The following PNPLA6 variants were observed in gnomAD, a reference collection of about 807,000 sequenced individuals.
PNPLA6 encodes patatin like domain 6, lysophospholipase.
A neutral mutation model predicts 153.7 loss-of-function variants in PNPLA6; 105 were observed. The observed-to-expected ratio is 0.68, with a 90% CI of 0.58 to 0.80. The LOEUF is 0.80. PNPLA6 is among the 30% of genes least tolerant of loss of function. The pLI is 0.00. For missense variants in PNPLA6, 1,423 were observed against 1,919.3 expected (o/e 0.74, Z 4.83); for synonymous variants, 825 against 822.2 (o/e 1.00, Z -0.06).
chr19:7,536,389 T>C (rs1174025134), intron 2 of PNPLA6, 60 bp from the exon 3 acceptor site: 3 of 1,422,974 alleles, frequency 2.1e-6, no homozygotes, highest in East Asian at 4.6e-5. Context: ...CCTGGATCCG[T>C]CTGCCTCTTC....
At position 7,561,295 on chromosome 19, in the gene PNPLA6, GC is replaced by G; in HGVS notation, c.4005del (p.Ser1336AlafsTer64). The G allele has an allele frequency of 6.2e-7, 1 of 1,607,210 alleles. No individual in the cohort carries two copies. The highest frequency in any genetic ancestry group is 8.5e-7 in the Non-Finnish European group (1 of 1,177,726). ...GAAGGGGGGTCCCCCGAGGGCGCAA[GC>G]CCCAGCACTGCCTCCGAGATGGTGA... ...RDEGGSPEGA[S>X]PSTASEMEEE... On this transcript the variant is annotated frameshift_variant, in exon 31 of 32. Coordinates refer to ENST00000600737, the MANE Select transcript of PNPLA6 (RefSeq NM_001166114.2). LOFTEE classifies it high-confidence loss of function.
intron 27 of PNPLA6, 106 bp downstream of exon 27, chr19:7,557,390 A>G: frequency 1.3e-6 from 1 of 760,044 alleles, no homozygotes; most frequent in Non-Finnish European, 2.3e-6. Flanking sequence ...CACATGCCCA[A>G]GCTGCCCATG....
At chr19:7,536,138 C>T (rs915742638) in intron 1 of PNPLA6, 53 bp from the exon 2 acceptor site, 2 of 1,515,120 alleles carry the variant, frequency 1.3e-6, no homozygotes, top group African/African-American at 2.7e-5. Flanking sequence ...CCAGCTCTGG[C>T]AGGGTGGAGT....
rs2023236889 is a variant in PNPLA6 at position 7,543,228 on chromosome 19, C to G, written c.1608+144C>G. ...TCTCTCATCCTATCATTTCCAACCT[C>G]TAACCCTTGGGTCCTGTGACCCCCA... On this transcript the variant is annotated intron_variant, in intron 13 of 31. Transcript: ENST00000600737. 48 of 803,702 alleles carry G rather than the reference C, an allele frequency of 6.0e-5. 1 individual carries two copies. In the South Asian group the frequency reaches 6.7e-4, roughly 11 times the overall value. The allele number at this position is 803,702 out of a possible 1,614,324, so 49.8% of individuals were successfully genotyped here. A position where few individuals can be genotyped will look rare whatever the true frequency, so the allele number is the denominator to read the frequency against.
At chr19:7,554,824 G>C (rs1599303816) in intron 21 of PNPLA6, 69 bp from the exon 22 acceptor site, 2 of 1,571,134 alleles carry the variant, frequency 1.3e-6, no homozygotes, top group Non-Finnish European at 8.6e-7. Context: ...GGGGGTAGGC[G>C]ATCAGGGACC....
rs540608285 is a variant in PNPLA6, at chr19:7,558,753, C to T, written c.3398-97C>T. On this transcript the variant is annotated intron_variant, in intron 27 of 31. Transcript: ENST00000600737. ...GTGGGTATTCTCTCTTTTTTTTTTG[C>T]GTGATCATTTGCATGATGGCATCTG... The T allele has an allele frequency of 1.5e-3, 1,267 of 819,890 alleles. 4 individuals carry two copies. Among genetic ancestry groups the T allele is most frequent in the Non-Finnish European group, 1.8e-3 (915 of 507,880 alleles). 50.8% of individuals were successfully genotyped at this position (819,890 alleles called of 1,614,324 possible).
rs1318656059 is a variant in PNPLA6, at chr19:7,561,688, A to T, written c.*126A>T. On this transcript the variant is annotated 3_prime_UTR_variant, in exon 32 of 32. Transcript: ENST00000600737. Reference sequence around the variant, plus strand: ...CCCCCGCGGCCCACACACTGGACTGACCTGCCCTGAGCGGGGATGCAGTGT... The same window carrying T: ...CCCCCGCGGCCCACACACTGGACTGTCCTGCCCTGAGCGGGGATGCAGTGT... 1 of 728,026 alleles carries T rather than the reference A, an allele frequency of 1.4e-6. No individual in the cohort carries two copies. The highest frequency in any genetic ancestry group is 1.7e-5 in the African/African-American group (1 of 57,674). 45.1% of individuals were successfully genotyped at this position (728,026 alleles called of 1,614,324 possible).
At chr19:7,552,556 G>A (rs2023697046) in intron 18 of PNPLA6, among the ~76,000 whole-genome samples, 1 of 152,084 alleles carries the variant, frequency 6.6e-6, no homozygotes, top group Admixed American at 6.6e-5. Flanking sequence ...AGGGGTTCGA[G>A]ACCAGCCTGG....
At chr19:7,551,316 G>A (rs765753780) in intron 17 of PNPLA6, 46 bp from the exon 18 acceptor site, 2 of 1,582,958 alleles carry the variant, frequency 1.3e-6, no homozygotes, top group Non-Finnish European at 1.7e-6. Flanking sequence ...GACCTGGACA[G>A]CCGCTTCCCA....
intron 13 of PNPLA6, chr19:7,549,651 G>C (rs2023556618): frequency 1.9e-6 from 1 of 535,560 alleles, no homozygotes; most frequent in East Asian, 3.3e-5. Context: ...ACGACGCCCA[G>C]CTAATTTTTT....
upstream of PNPLA6, chr19:7,535,201 C>G (rs919363795): frequency 1.9e-6 from 1 of 517,720 alleles, no homozygotes; most frequent in African/African-American, 1.9e-5. The surrounding 1 kb of genome is among the most constrained non-coding windows in gnomAD (Gnocchi z 5.0). Context: ...AGGCTGCTGA[C>G]AGTGGGTACC....
In PNPLA6 at chr19:7,559,502, T is replaced by A. The variant is rs561382504; in HGVS notation, c.3699+351T>A. ...GGGAGGTAGCAGTGCGTGTGTTATG[T>A]GCTACTGACCCTGAAAAATGTGCCA... On this transcript the variant is annotated intron_variant, in intron 28 of 31. Coordinates refer to ENST00000600737, the MANE Select transcript of PNPLA6 (RefSeq NM_001166114.2). 1.1e-4 allele frequency among the ~76,000 whole-genome samples: 16 copies of A among 152,246 alleles called. No homozygotes were observed. In the South Asian group the frequency reaches 3.1e-3, roughly 30 times the overall value.
intron 13 of PNPLA6, 172 bp from the exon 14 acceptor site, chr19:7,549,711 TCCTGGCCTCAAGTGATCCCCCCTG>T (rs2023559594): frequency 1.6e-6 from 1 of 622,634 alleles, no homozygotes; most frequent in African/African-American, 1.8e-5. Flanking sequence ...GGTGCCGAAC[TCCTGGCCTCAAGTGATCCCCCCTG>T]CCTGGCCTCC....
chr19:7,541,267 C>T lies in PNPLA6; in HGVS notation c.925-87C>T. 3.1e-6 allele frequency: 4 copies of T among 1,271,662 alleles called. No individual in the cohort carries two copies. The highest frequency in any genetic ancestry group is 4.5e-6 in the Non-Finnish European group (4 of 889,480). The allele number at this position is 1,271,662 out of a possible 1,614,324, so 78.8% of individuals were successfully genotyped here. A position where few individuals can be genotyped will look rare whatever the true frequency, so the allele number is the denominator to read the frequency against. ...GTCTCTCCCTGGTTCCCGCCCGACC[C>T]CTTATGCTGCGAACTAGCCCGGCCC... On this transcript the variant is annotated intron_variant, in intron 7 of 31. Transcript: ENST00000600737. This position sits in a 1 kb window ranked among gnomAD's most constrained non-coding sequence, Gnocchi z 5.2.
In PNPLA6 at chr19:7,538,448, G is replaced by T. The variant is rs139377667; in HGVS notation, c.414-1470G>T. On this transcript the variant is annotated intron_variant, in intron 3 of 31. Transcript: ENST00000600737. ...TCCTCCCACCTCGGCCTCCCAAAGT[G>T]CTGGTATTACAGGCATGAGCCACCA... Among the ~76,000 whole-genome samples, 28 of 152,284 alleles carry T rather than the reference G, an allele frequency of 1.8e-4. No individual in the cohort carries two copies. In the East Asian group the frequency reaches 4.8e-3, roughly 26 times the overall value.
Position 7,555,141 on chromosome 19 carries a change from G to A in PNPLA6, c.2817+66G>A, listed in dbSNP as rs2023816380. ...GGTGGGCGAGGCTTGGGAGACTGGG[G>A]CGGGGCCTGGGAGGGCTGAGGACAG... is the stretch of plus-strand genomic sequence containing the variant. On this transcript the variant is annotated intron_variant, in intron 22 of 31. Coordinates refer to ENST00000600737, the MANE Select transcript of PNPLA6 (RefSeq NM_001166114.2). This position sits in a 1 kb window ranked among gnomAD's most constrained non-coding sequence, Gnocchi z 6.3. 1.1e-5 allele frequency: 17 copies of A among 1,555,992 alleles called. No homozygotes were observed. The South Asian group carries it at 2.0e-4, about 18-fold the overall frequency.
rs1484913994 is a variant in PNPLA6 at position 7,536,075 on chromosome 19, C to T, written c.232+55C>T. On this transcript the variant is annotated intron_variant, in intron 1 of 31. Transcript: ENST00000600737. ...GCTGTATGGTGGGGGGCCCAAATGC[C>T]CGGGTCCCGAGGCGGCAGAGATGGG... 51 of 1,578,672 alleles carry T rather than the reference C, an allele frequency of 3.2e-5. No homozygotes were observed. The East Asian group carries it at 1.1e-3, about 35-fold the overall frequency.
intron 13 of PNPLA6, among the ~76,000 whole-genome samples, chr19:7,548,338 C>T (rs1011498805): frequency 6.6e-5 from 10 of 150,878 alleles, no homozygotes; most frequent in Admixed American, 4.0e-4. Flanking sequence ...AGCAAGACAC[C>T]GTCTCAAAAC....
intron 18 of PNPLA6, 155 bp from the exon 19 acceptor site, chr19:7,553,720 G>T (rs917954500): frequency 3.4e-6 from 3 of 871,134 alleles, no homozygotes; most frequent in Non-Finnish European, 5.7e-6. Context: ...CTTTCTGTAT[G>T]GTAGAGTCAA....
Sources: allele counts gnomAD v4.1 joint callset (sites outside exome capture counted in the v4.1 genomes callset), GRCh38; gene constraint gnomAD v4.1.1; non-coding constraint Gnocchi (gnomAD v3.1); transcripts MANE v1.5; gene names NCBI Gene and HGNC (gene_info 2026-07-23, HGNC 2026-07-21).